The following CNIH3 variants were observed in gnomAD, a reference collection of about 807,000 sequenced individuals.
CNIH3 encodes protein cornichon homolog 3.
CNIH3 carries 14 observed loss-of-function variants against 24.1 expected under a neutral mutation model. The ratio of observed to expected loss-of-function variants is 0.58; its 90% CI spans 0.38 to 0.91. CNIH3 has a LOEUF of 0.91. CNIH3 is among the 40% of genes least tolerant of loss of function. The pLI is 0.00. For synonymous variants in CNIH3, 68 were observed against 73.8 expected (o/e 0.92, Z 0.40); for missense variants, 178 against 196.8 (o/e 0.90, Z 0.57).
In CNIH3 at chr1:224,734,512, A is replaced by G. The variant is rs1689495117; in HGVS notation, c.312-51A>G. The G allele has an allele frequency of 2.5e-6, 4 of 1,597,908 alleles. No individual in the cohort carries two copies. The South Asian group carries it at 4.4e-5, about 18-fold the overall frequency. On this transcript the variant is annotated intron_variant, in intron 4 of 5. Coordinates refer to ENST00000272133, the MANE Select transcript of CNIH3 (RefSeq NM_152495.2). ...TGCATCGGAAGGGTTTGCCCAGGTT[A>G]CGCCAGAAGTACCAGGACCTCAGAG...
chr1:224,603,095 G>A (rs111835791), intron 3 of CNIH3, among the ~76,000 whole-genome samples: 6,989 of 151,998 alleles, frequency 0.046, 230 homozygotes, highest in Non-Finnish European at 0.067. Flanking sequence ...AAGAGGGAGG[G>A]TGTAATCCCA....
At chr1:224,731,655 GCAAAA>G (rs542978667) in intron 4 of CNIH3, among the ~76,000 whole-genome samples, 568 of 152,376 alleles carry the variant, frequency 3.7e-3, no homozygotes, top group Non-Finnish European at 6.1e-3. Flanking sequence ...TAAGTGTAAA[GCAAAA>G]CCTTTACCCT....
At chr1:224,606,961 G>A (rs987506503) in intron 3 of CNIH3, among the ~76,000 whole-genome samples, 1 of 152,120 alleles carries the variant, frequency 6.6e-6, no homozygotes, top group Non-Finnish European at 1.5e-5. Flanking sequence ...GCAGGAAGGG[G>A]GCTCAAAGTT....
In CNIH3 at chr1:224,596,012, G is replaced by C. The variant is rs185270475; in HGVS notation, n.402+29748G>C. 9.2e-5 allele frequency among the ~76,000 whole-genome samples: 14 copies of C among 152,350 alleles called. No homozygotes were observed. In the East Asian group the frequency reaches 2.7e-3, roughly 29 times the overall value. On this transcript the variant is annotated intron_variant and non_coding_transcript_variant, in intron 3 of 7. Transcript: ENST00000478120. ...AGGTGAAGCCACAAGTGCTGATGGA[G>C]AAGCTGCAGCAAGTTACCCAGAAGG...
At chr1:224,614,488 T>A (rs999168515), upstream of CNIH3, among the ~76,000 whole-genome samples, 1 of 152,030 alleles carries the variant, frequency 6.6e-6, no homozygotes, top group Non-Finnish European at 1.5e-5. Flanking sequence ...AGCCTGGCCA[T>A]ATATTGAGAC....
In CNIH3 at chr1:224,437,021, C is replaced by T. The variant is rs1419678499; in HGVS notation, n.203+2159C>T. 2.6e-5 allele frequency: 4 copies of T among 152,172 alleles called. No homozygotes were observed. The East Asian group carries it at 7.7e-4, about 29-fold the overall frequency. The allele number at this position is 152,172 out of a possible 1,614,324, so 9.4% of individuals were successfully genotyped here. A position where few individuals can be genotyped will look rare whatever the true frequency, so the allele number is the denominator to read the frequency against. The stretch of plus-strand genomic sequence containing the variant: ...TCAAACCTCCTCAGGGGAGCCTTTC[C>T]TGACTTCCACTCTCCTAGCCGTCAT... On this transcript the variant is annotated intron_variant and non_coding_transcript_variant, in intron 1 of 5. Transcript: ENST00000471578.
At chr1:224,731,603 G>A (rs1003195366) in intron 4 of CNIH3, among the ~76,000 whole-genome samples, 4 of 152,144 alleles carry the variant, frequency 2.6e-5, no homozygotes, top group East Asian at 1.9e-4. Context: ...GAAAACATAC[G>A]GGATACATAG....
chr1:224,580,513 A>G (rs1681227198), intron 4 of CNIH3, among the ~76,000 whole-genome samples: 1 of 152,190 alleles, frequency 6.6e-6, no homozygotes, highest in South Asian at 2.1e-4. Flanking sequence ...AAAGCGAAAA[A>G]AGGAGGTCGC....
At chr1:224,528,820 A>C (rs1416940417) in intron 2 of CNIH3, among the ~76,000 whole-genome samples, 1 of 152,240 alleles carries the variant, frequency 6.6e-6, no homozygotes, top group East Asian at 1.9e-4. Flanking sequence ...TGTATTTGAC[A>C]ATGTCCCATG....
intron 5 of CNIH3, among the ~76,000 whole-genome samples, chr1:224,586,350 C>G (rs1182809646): frequency 6.6e-6 from 1 of 152,162 alleles, no homozygotes; most frequent in Non-Finnish European, 1.5e-5. Flanking sequence ...TGGTGGCAGA[C>G]AAGAGAAGAA....
At chr1:224,668,503 A>C (rs1405913109) in intron 1 of CNIH3, among the ~76,000 whole-genome samples, 1 of 152,192 alleles carries the variant, frequency 6.6e-6, no homozygotes, top group African/African-American at 2.4e-5. Flanking sequence ...AAGTATTTTT[A>C]GGAATGAGTA....
At chr1:224,640,874 C>T (rs1438159908) in intron 1 of CNIH3, among the ~76,000 whole-genome samples, 2 of 152,198 alleles carry the variant, frequency 1.3e-5, no homozygotes, top group African/African-American at 4.8e-5. Context: ...GGCTGCAAGC[C>T]AGCTGCTTGT....
At chr1:224,555,851 A>G (rs1251481811) in intron 3 of CNIH3, among the ~76,000 whole-genome samples, 1 of 152,144 alleles carries the variant, frequency 6.6e-6, no homozygotes, top group Non-Finnish European at 1.5e-5. Flanking sequence ...TGTGGGACCT[A>G]ATGAATGAAA....
intron 3 of CNIH3, among the ~76,000 whole-genome samples, chr1:224,702,590 C>T (rs1386950687): frequency 1.3e-5 from 2 of 152,214 alleles, no homozygotes; most frequent in Admixed American, 6.5e-5. Context: ...CAGAATTGAG[C>T]AGTCAGGAAC....
intron 2 of CNIH3, among the ~76,000 whole-genome samples, chr1:224,529,882 G>A (rs1008748991): frequency 6.6e-6 from 1 of 152,222 alleles, no homozygotes; most frequent in African/African-American, 2.4e-5. Context: ...AGGGGTTAGA[G>A]ACTTTGTCCT....
intron 1 of CNIH3, among the ~76,000 whole-genome samples, chr1:224,452,617 T>A (rs1264138219): frequency 2.0e-5 from 3 of 150,150 alleles, no homozygotes; most frequent in Admixed American, 2.0e-4. Flanking sequence ...CCGTCTCTAC[T>A]AAAAATACAA....
At chr1:224,542,313 A>G (rs1273773117), downstream of CNIH3, among the ~76,000 whole-genome samples, 2 of 152,206 alleles carry the variant, frequency 1.3e-5, no homozygotes, top group African/African-American at 4.8e-5. Flanking sequence ...AGCCCTAGCA[A>G]CGATTTTGTA....
downstream of CNIH3, among the ~76,000 whole-genome samples, chr1:224,592,162 A>ATG (rs145234564): frequency 2.6e-3 from 398 of 150,294 alleles, 9 homozygotes; most frequent in East Asian, 0.049. Flanking sequence ...ATGTGTGTGT[A>ATG]TGTGTGTGTG....
At chr1:224,495,118 G>A (rs1326781159) in intron 1 of CNIH3, among the ~76,000 whole-genome samples, 3 of 152,108 alleles carry the variant, frequency 2.0e-5, no homozygotes, top group Non-Finnish European at 4.4e-5. Flanking sequence ...AGTAGTTCCC[G>A]TGGTAGGCAG....
Sources: allele counts gnomAD v4.1 joint callset (sites outside exome capture counted in the v4.1 genomes callset), GRCh38; gene constraint gnomAD v4.1.1; transcripts MANE v1.5; gene names NCBI Gene and HGNC (gene_info 2026-07-23, HGNC 2026-07-21).